Variants in EMG1 observed in about 807,000 individuals in gnomAD.
EMG1 encodes the protein EMG1 N1-specific pseudouridine methyltransferase.
Under a neutral mutation model 26.9 loss-of-function variants are expected in EMG1, and 24 were observed. The ratio of observed to expected loss-of-function variants is 0.89; its 90% confidence interval spans 0.65 to 1.26. The LOEUF (loss-of-function observed/expected upper bound fraction) is 1.26, where lower values mean the gene tolerates loss of function less well. Ranked by LOEUF, EMG1 falls within the 50% of genes most tolerant of loss-of-function variation. EMG1 has a pLI of 0.00. For synonymous variants in EMG1, 140 were observed against 112.6 expected (o/e 1.24, Z -1.54); for missense variants, 299 against 307.6 (o/e 0.97, Z 0.21).
At chr12:6,989,074 G>A (rs1555155141), downstream of EMG1, among the ~76,000 whole-genome samples, 1 of 150,634 alleles carries the variant, frequency 6.6e-6, no homozygotes, top group Non-Finnish European at 1.5e-5. Flanking sequence ...GGTGAGCCGA[G>A]ATCACGCCAT....
chr12:6,983,028 C>T, downstream of EMG1: 2 of 585,758 alleles, frequency 3.4e-6, no homozygotes, highest in Non-Finnish European at 6.4e-6. Flanking sequence ...GTTGTCCAGA[C>T]TTGAGTGCAG....
At chr12:6,972,439 G>A (rs142545190) in intron 1 of EMG1, among the ~76,000 whole-genome samples, 102 of 152,208 alleles carry the variant, frequency 6.7e-4, no homozygotes, top group African/African-American at 2.2e-3. Context: ...TATATCTCAA[G>A]AATGTTGCTA....
intron 7 of EMG1, among the ~76,000 whole-genome samples, chr12:6,993,401 T>G (rs1376652389): frequency 6.6e-6 from 1 of 150,782 alleles, no homozygotes; most frequent in Non-Finnish European, 1.5e-5. Flanking sequence ...GCCACTGCAC[T>G]CCAGCCTGGC....
Position 6,974,670 on chromosome 12 carries a change from T to C in EMG1, c.389T>C (p.Phe130Ser). The change falls in exon 3 of 6, where the codon TTT becomes TCT. Residue 130 changes from phenylalanine (F) to serine (S), a missense_variant. Physicochemically the swap from Phe to Ser is radical, Grantham distance 155. Coordinates refer to ENST00000599672, the MANE Select transcript of EMG1 (RefSeq NM_006331.8). The stretch of plus-strand genomic sequence containing the variant: ...CCCCAGACCCGAATTCCCAGAACCT[T>C]TGACCGCTTTTGTGGCCTCATGGGT... ...VNPQTRIPRT[F>S]DRFCGLMVQL... 6.2e-7 allele frequency: 1 copy of C among 1,613,968 alleles called. No homozygotes were observed. Among genetic ancestry groups the C allele is most frequent in the Non-Finnish European group, 8.5e-7 (1 of 1,179,894 alleles).
Position 6,987,927 on chromosome 12 carries a change from C to T in EMG1, c.*211+89C>T. 1 of 399,754 alleles carries T rather than the reference C, an allele frequency of 2.5e-6. No homozygotes were observed. Among genetic ancestry groups the T allele is most frequent in the Non-Finnish European group, 4.4e-6 (1 of 225,772 alleles). The allele number at this position is 399,754 out of a possible 1,614,324, so 24.8% of individuals were successfully genotyped here. A position where few individuals can be genotyped will look rare whatever the true frequency, so the allele number is the denominator to read the frequency against. On this transcript the variant is annotated intron_variant and NMD_transcript_variant, in intron 7 of 7. Transcript: ENST00000261406. This position sits in a 1 kb window ranked among gnomAD's most constrained non-coding sequence, Gnocchi z 4.1. ...GTCCACTTCTTATAGCCTGTCTGTC[C>T]CTTTCCTTGCTACTCTGGGATCAAC...
downstream of EMG1, chr12:6,981,360 T>A: frequency 1.5e-6 from 1 of 672,362 alleles, no homozygotes; most frequent in Non-Finnish European, 2.5e-6. Flanking sequence ...TAGCTGGCTG[T>A]TGCTGCTTTA....
At position 6,977,863 on chromosome 12, in the gene EMG1, G is replaced by T. The variant is rs1368766463; in HGVS notation, c.*2054G>T. On this transcript the variant is annotated 3_prime_UTR_variant, in exon 6 of 6. Transcript: ENST00000599672. The surrounding 1 kb of genome is among the most constrained non-coding windows in gnomAD (Gnocchi z 4.5). ...GAGTGCTGGTGGGTTCCCACGTGTAGCCCCCAGAGGGTACAGGAGGCAGTG... is the reference window on the plus strand; with the variant it reads ...GAGTGCTGGTGGGTTCCCACGTGTATCCCCCAGAGGGTACAGGAGGCAGTG... 1.7e-6 allele frequency: 2 copies of T among 1,187,866 alleles called. No homozygotes were observed. The highest frequency in any genetic ancestry group is 1.4e-5 in the South Asian group (1 of 73,514). 73.6% of individuals were successfully genotyped at this position (1,187,866 alleles called of 1,614,324 possible).
At chr12:6,994,353 G>A (rs1946617255) in intron 7 of EMG1, among the ~76,000 whole-genome samples, 1 of 152,048 alleles carries the variant, frequency 6.6e-6, no homozygotes, top group Non-Finnish European at 1.5e-5. Flanking sequence ...GATTACAGGT[G>A]TGCACCACCA....
chr12:6,979,592 GA>G lies in EMG1; in HGVS notation c.*3784del. 6.4e-7 allele frequency: 1 copy of G among 1,555,068 alleles called. No individual in the cohort carries two copies. The highest frequency in any genetic ancestry group is 8.9e-7 in the Non-Finnish European group (1 of 1,126,222). ...AGCAGGAATGATGCTGGAAAGGAAC[GA>G]GTGAAGTTCCTGGTCACAGAGAGCA... On this transcript the variant is annotated 3_prime_UTR_variant, in exon 6 of 6. Transcript: ENST00000599672.
chr12:6,982,820 A>G, downstream of EMG1: 1 of 1,354,598 alleles, frequency 7.4e-7, no homozygotes, highest in Non-Finnish European at 1.1e-6. Flanking sequence ...TGGTTTTTAC[A>G]CTCCCACCGT....
At position 6,974,700 on chromosome 12, in the gene EMG1, A is replaced by G; in HGVS notation, c.412+7A>G. On this transcript the variant is annotated splice_region_variant and intron_variant, in intron 3 of 5. Coordinates refer to ENST00000599672, the MANE Select transcript of EMG1 (RefSeq NM_006331.8). ...CGCTTTTGTGGCCTCATGGGTAAGA[A>G]GCCTTAGAACAAAGTTAGAATGAAC... The G allele has an allele frequency of 1.2e-6, 2 of 1,613,900 alleles. No homozygotes were observed. Among genetic ancestry groups the G allele is most frequent in the Non-Finnish European group, 8.5e-7 (1 of 1,179,860 alleles).
At position 6,970,987 on chromosome 12, in the gene EMG1, T is replaced by C; in HGVS notation, c.64T>C (p.Trp22Arg). 9.3e-6 allele frequency: 15 copies of C among 1,612,502 alleles called. No homozygotes were observed. Among genetic ancestry groups the C allele is most frequent in the Non-Finnish European group, 1.3e-5 (15 of 1,179,214 alleles). ...ERSGGEQAQD[W>R]DALPPKRPRL... ...AAGCGGTGGGGAGCAGGCACAGGACTGGGATGCTCTGCCACCCAAGCGGCC... is the reference window on the plus strand; with the variant it reads ...AAGCGGTGGGGAGCAGGCACAGGACCGGGATGCTCTGCCACCCAAGCGGCC... Residue 22 changes from tryptophan to arginine, a missense_variant, in exon 1 of 6, where the codon TGG (tryptophan) becomes CGG (arginine). By Grantham distance (101) the Trp-to-Arg change is moderately radical. Transcript: ENST00000599672.
rs928226959 is a variant in EMG1 at position 6,978,017 on chromosome 12, A to G, written c.*2208A>G. On this transcript the variant is annotated 3_prime_UTR_variant, in exon 6 of 6. Coordinates refer to ENST00000599672, the MANE Select transcript of EMG1 (RefSeq NM_006331.8). The stretch of plus-strand genomic sequence containing the variant: ...AGATCAGTGGTGAACCAGACACTCT[A>G]CTCAAGCTGCCCACACTCTAGTGGT... 1.1e-5 allele frequency: 6 copies of G among 560,020 alleles called. No homozygotes were observed. The highest frequency in any genetic ancestry group is 9.4e-5 in the African/African-American group (5 of 53,166). 34.7% of individuals were successfully genotyped at this position (560,020 alleles called of 1,614,324 possible). A position where few individuals can be genotyped will look rare whatever the true frequency, so the allele number is the denominator to read the frequency against.
At position 6,978,400 on chromosome 12, in the gene EMG1, G is replaced by C; in HGVS notation, c.*2591G>C. 1 of 1,613,678 alleles carries C rather than the reference G, an allele frequency of 6.2e-7. No homozygotes were observed. On this transcript the variant is annotated 3_prime_UTR_variant, in exon 6 of 6. Coordinates refer to ENST00000599672, the MANE Select transcript of EMG1 (RefSeq NM_006331.8). ...AGGCAATGGTGCCAGTGAAGCGGGG[G>C]TTTGTTTCAAAGAGCCACACCTTCA... is the stretch of plus-strand genomic sequence containing the variant.
chr12:6,971,199 T>A, intron 1 of EMG1, 108 bp downstream of exon 1: 5 of 897,556 alleles, frequency 5.6e-6, no homozygotes, highest in Non-Finnish European at 8.7e-6. Context: ...GGGTGAAAGA[T>A]GCTTTTGAAG....
downstream of EMG1, chr12:6,983,436 G>A: frequency 1.3e-6 from 2 of 1,596,546 alleles, no homozygotes; most frequent in Non-Finnish European, 8.6e-7. Context: ...ACTCACCAAA[G>A]TTAAAATAAG....
Position 6,987,565 on chromosome 12 carries a change from C to A in EMG1, c.*155-217C>A, listed in dbSNP as rs992664364. 2.6e-5 allele frequency among the ~76,000 whole-genome samples: 4 copies of A among 152,148 alleles called. No homozygotes were observed. The highest frequency in any genetic ancestry group is 7.2e-5 in the African/African-American group (3 of 41,418). ...TAGACTAAATGTCAATGCCTTCAAT[C>A]TTTTGCTTTATTTTTACTTTTGTTT... On this transcript the variant is annotated intron_variant and NMD_transcript_variant, in intron 6 of 7. Transcript: ENST00000261406. This position sits in a 1 kb window ranked among gnomAD's most constrained non-coding sequence, Gnocchi z 4.1.
At chr12:6,995,871 C>T (rs1946631996) in intron 7 of EMG1, among the ~76,000 whole-genome samples, 1 of 152,124 alleles carries the variant, frequency 6.6e-6, no homozygotes, top group Admixed American at 6.6e-5. Flanking sequence ...TTGCCACTAT[C>T]TCTGGATTAT....
rs782173478 is a variant in EMG1 at position 6,978,732 on chromosome 12, T to C, written c.*2923T>C. The C allele has an allele frequency of 6.2e-7, 1 of 1,607,788 alleles. No individual in the cohort carries two copies. The highest frequency in any genetic ancestry group is 1.3e-5 in the African/African-American group (1 of 74,754). On this transcript the variant is annotated 3_prime_UTR_variant, in exon 6 of 6. Transcript: ENST00000599672. ...CAGTGCATTAGGGATATCACATGAC[T>C]AGGCAGTTTCTCTCAGCACTCTTCC... is the stretch of plus-strand genomic sequence containing the variant.
Sources: gnomAD v4.1 joint callset for allele counts (sites outside exome capture counted in the v4.1 genomes callset) on GRCh38, gnomAD v4.1.1 for gene constraint, Gnocchi (gnomAD v3.1) non-coding constraint, MANE v1.5 for transcripts, NCBI Gene and HGNC (gene_info 2026-07-23, HGNC 2026-07-21) for gene names.